Variants in HSD17B2 observed in about 807,000 individuals in gnomAD.
The protein encoded by HSD17B2 is hydroxysteroid 17-beta dehydrogenase 2, also known as 17-beta-hydroxysteroid dehydrogenase type 2.
Under a neutral mutation model 26.9 loss-of-function variants are expected in HSD17B2, and 32 were observed. That is an observed-to-expected ratio of 1.19 (90% CI 0.90 to 1.60). The LOEUF (loss-of-function observed/expected upper bound fraction) is 1.60, where lower values mean the gene tolerates loss of function less well. Ranked by LOEUF, HSD17B2 falls within the 40% of genes most tolerant of loss-of-function variation. The pLI, the probability that HSD17B2 is intolerant of heterozygous loss-of-function variation, is 0.00. For synonymous variants in HSD17B2, 246 were observed against 186.7 expected (o/e 1.32, Z -2.59); for missense variants, 613 against 468.6 (o/e 1.31, Z -2.85).
intron 1 of HSD17B2, among the ~76,000 whole-genome samples, chr16:82,047,953 A>C (rs189625166): frequency 2.0e-5 from 3 of 152,342 alleles, no homozygotes; most frequent in African/African-American, 7.2e-5. Context: ...AAGAGAAACC[A>C]TAGGTCTTGC....
chr16:82,052,813 A>T (rs1049161376), intron 1 of HSD17B2, among the ~76,000 whole-genome samples: 1 of 152,228 alleles, frequency 6.6e-6, no homozygotes, highest in Non-Finnish European at 1.5e-5. Context: ...AAAAAAGCAT[A>T]ACAGACTGGG....
chr16:82,056,298 T>C (rs926276409), intron 1 of HSD17B2, among the ~76,000 whole-genome samples: 3 of 152,222 alleles, frequency 2.0e-5, no homozygotes, highest in African/African-American at 7.2e-5. Context: ...TTTTTTGTGT[T>C]ATGCTAATCT....
At chr16:82,064,873 T>C (rs1914534748) in intron 1 of HSD17B2, among the ~76,000 whole-genome samples, 1 of 152,196 alleles carries the variant, frequency 6.6e-6, no homozygotes, top group Non-Finnish European at 1.5e-5. Context: ...TCCATGTGCA[T>C]GAAGGAAGAC....
chr16:82,070,924 A>G lies in HSD17B2; in HGVS notation c.479-18A>G. The G allele has an allele frequency of 6.2e-7, 1 of 1,605,236 alleles. No individual in the cohort carries two copies. The highest frequency in any genetic ancestry group is 8.5e-7 in the Non-Finnish European group (1 of 1,174,400). On this transcript the variant is annotated intron_variant, in intron 2 of 4. Transcript: ENST00000199936. ...TTCCTCTTCCAGACACTCACTCATT[A>G]TGGTTTTCTGTCTCCAGGACTGTGG...
intron 1 of HSD17B2, among the ~76,000 whole-genome samples, chr16:82,039,798 G>C (rs117487758): frequency 0.012 from 1,874 of 152,240 alleles, 18 homozygotes; most frequent in Non-Finnish European, 0.019. Context: ...ACTGTGTACA[G>C]AGCAGACACC....
At chr16:82,045,945 G>T (rs888400069) in intron 1 of HSD17B2, among the ~76,000 whole-genome samples, 1 of 152,218 alleles carries the variant, frequency 6.6e-6, no homozygotes, top group East Asian at 1.9e-4. Flanking sequence ...GAGTCTTTGG[G>T]AGGTGCTGGA....
At chr16:82,097,318 GTGTGTATATATA>G (rs1567595519) in intron 4 of HSD17B2, 1 of 149,322 alleles carries the variant, frequency 6.7e-6, no homozygotes. Context: ...ATATATATGT[GTGTGTATATATA>G]TATACACATT....
At chr16:82,085,496 G>A (rs1370955862) in intron 3 of HSD17B2, among the ~76,000 whole-genome samples, 1 of 152,088 alleles carries the variant, frequency 6.6e-6, no homozygotes, top group Non-Finnish European at 1.5e-5. Context: ...ATATGAACCG[G>A]GATCTGTTTT....
intron 1 of HSD17B2, among the ~76,000 whole-genome samples, chr16:82,041,438 A>G (rs1212386602): frequency 1.3e-5 from 2 of 152,186 alleles, no homozygotes; most frequent in Non-Finnish European, 2.9e-5. Context: ...TGGAAGCTCC[A>G]TTGTTCTGTA....
In HSD17B2 at chr16:82,040,327, C is replaced by T. The variant is rs139156975; in HGVS notation, c.265+4638C>T. Among the ~76,000 whole-genome samples the T allele has an allele frequency of 2.7e-3, 409 of 152,322 alleles. 1 individual carries two copies. The highest frequency in any genetic ancestry group is 3.5e-3 in the Non-Finnish European group (237 of 68,030). ...GATTATTAAGATGGATAAACATTGA[C>T]AGTGGACTAAGAGACTAAGAGAAAT... On this transcript the variant is annotated intron_variant, in intron 1 of 4. Coordinates refer to ENST00000199936, the MANE Select transcript of HSD17B2 (RefSeq NM_002153.3).
Position 82,065,291 on chromosome 16 carries a change from C to G in HSD17B2, c.266-2879C>G, listed in dbSNP as rs868396462. On this transcript the variant is annotated intron_variant, in intron 1 of 4. Coordinates refer to ENST00000199936, the MANE Select transcript of HSD17B2 (RefSeq NM_002153.3). ...TCAGCAGCTCTAAGTGGGTGGATGA[C>G]CCCTTTCCCCCTCTCTTAGCTCTCT... is the stretch of plus-strand genomic sequence containing the variant. Among the ~76,000 whole-genome samples the G allele has an allele frequency of 1.8e-4, 27 of 152,288 alleles. 1 individual carries two copies. In the South Asian group the frequency reaches 3.1e-3, roughly 18 times the overall value.
intron 4 of HSD17B2, chr16:82,091,933 C>G (rs532544857): frequency 1.3e-5 from 2 of 152,140 alleles, no homozygotes; most frequent in African/African-American, 4.8e-5. Flanking sequence ...CTGCTCTGAG[C>G]GGGACCTTTC....
At chr16:82,043,334 G>A (rs932094284) in intron 1 of HSD17B2, among the ~76,000 whole-genome samples, 8 of 152,234 alleles carry the variant, frequency 5.3e-5, no homozygotes, top group African/African-American at 1.9e-4. Context: ...TGTGATATTG[G>A]GGGGAAAGGG....
intron 1 of HSD17B2, among the ~76,000 whole-genome samples, chr16:82,066,382 CT>C: frequency 6.6e-6 from 1 of 152,302 alleles, no homozygotes; most frequent in Middle Eastern, 3.4e-3. Context: ...GTACACACAC[CT>C]TTTGCCATGA....
At chr16:82,068,767 C>T (rs1914631982) in intron 2 of HSD17B2, among the ~76,000 whole-genome samples, 1 of 152,192 alleles carries the variant, frequency 6.6e-6, no homozygotes, top group African/African-American at 2.4e-5. Context: ...TTCCTCTTCT[C>T]TTTCCTTCAT....
intron 4 of HSD17B2, chr16:82,097,117 C>T (rs1360698666): frequency 6.6e-6 from 1 of 151,710 alleles, no homozygotes; most frequent in Non-Finnish European, 1.5e-5. Flanking sequence ...CATCCTCCAA[C>T]TCGTGGGCTC....
chr16:82,078,565 T>C (rs930331549), intron 3 of HSD17B2, among the ~76,000 whole-genome samples: 6 of 152,160 alleles, frequency 3.9e-5, no homozygotes, highest in Non-Finnish European at 7.3e-5. Context: ...ATATCTGCAG[T>C]CCTATGTGTG....
chr16:82,087,251 A>T (rs1348166121), intron 3 of HSD17B2, among the ~76,000 whole-genome samples: 1 of 152,244 alleles, frequency 6.6e-6, no homozygotes, highest in Admixed American at 6.5e-5. Context: ...TGTATAGCAC[A>T]CTTAAAAAAT....
intron 3 of HSD17B2, among the ~76,000 whole-genome samples, chr16:82,084,439 G>A (rs1351124243): frequency 2.0e-5 from 3 of 152,064 alleles, no homozygotes; most frequent in African/African-American, 7.2e-5. Context: ...ATGAACCATG[G>A]GTTTTGAGTG....
Sources: allele counts gnomAD v4.1 joint callset (sites outside exome capture counted in the v4.1 genomes callset), GRCh38; gene constraint gnomAD v4.1.1; transcripts MANE v1.5; gene names NCBI Gene and HGNC (gene_info 2026-07-23, HGNC 2026-07-21).